The following PCDH15 variants were observed in gnomAD, a reference collection of about 807,000 sequenced individuals.
PCDH15 encodes the protein protocadherin related 15.
In PCDH15, 129 loss-of-function variants were observed where a neutral mutation model predicts 178.5. That is an observed-to-expected ratio of 0.72 (90% CI 0.63 to 0.84). The LOEUF (loss-of-function observed/expected upper bound fraction) is 0.84. Ranked by LOEUF, PCDH15 falls within the 40% of genes least tolerant of loss-of-function variation. PCDH15 has a pLI of 0.00. For missense variants in PCDH15, 2,230 were observed against 2,099.9 expected (o/e 1.06, Z -1.21); for synonymous variants, 800 against 732.0 (o/e 1.09, Z -1.50).
chr10:54,692,116 G>A (rs2095132718), intron 1 of PCDH15, among the ~76,000 whole-genome samples: 1 of 152,010 alleles, frequency 6.6e-6, no homozygotes, highest in Admixed American at 6.6e-5. Context: ...TTGAAGGCAT[G>A]GCTTGTAGTG....
intron 1 of PCDH15, among the ~76,000 whole-genome samples, chr10:54,758,162 T>A (rs1011927499): frequency 2.6e-5 from 4 of 152,226 alleles, no homozygotes; most frequent in African/African-American, 7.2e-5. Context: ...GTTCCTCAAA[T>A]TAAAATGTTT....
In PCDH15 at chr10:54,366,627, AC is replaced by A. The variant is rs560331614; in HGVS notation, c.474+2492del. 3.9e-5 allele frequency among the ~76,000 whole-genome samples: 6 copies of A among 152,166 alleles called. No homozygotes were observed. The South Asian group carries it at 1.2e-3, about 32-fold the overall frequency. ...TCATTGGACTAAACTAAGTACTAGTACTATGGAAGAACTATTCAAATGAAAA... is the reference window on the plus strand; with the variant it reads ...TCATTGGACTAAACTAAGTACTAGTATATGGAAGAACTATTCAAATGAAAA... On this transcript the variant is annotated intron_variant, in intron 5 of 37. Coordinates refer to ENST00000644397, the MANE Select transcript of PCDH15 (RefSeq NM_001384140.1).
At chr10:54,749,763 C>T (rs1945954754) in intron 1 of PCDH15, among the ~76,000 whole-genome samples, 1 of 152,016 alleles carries the variant, frequency 6.6e-6, no homozygotes, top group South Asian at 2.1e-4. Flanking sequence ...TATGTGGTAG[C>T]AGAGTTTGAA....
intron 2 of PCDH15, among the ~76,000 whole-genome samples, chr10:55,356,170 G>T (rs1156721254): frequency 6.6e-6 from 1 of 151,376 alleles, no homozygotes; most frequent in East Asian, 1.9e-4. Flanking sequence ...CCCTTTTTTT[G>T]TTAATTTCTC....
chr10:54,735,872 G>T (rs1462988260), intron 1 of PCDH15, among the ~76,000 whole-genome samples: 7 of 111,134 alleles, frequency 6.3e-5, no homozygotes, highest in Non-Finnish European at 9.1e-5. Context: ...GTTGTGGGGT[G>T]GGGGGAGGGG....
At chr10:55,407,468 T>C (rs893849170) in intron 2 of PCDH15, among the ~76,000 whole-genome samples, 7 of 152,286 alleles carry the variant, frequency 4.6e-5, no homozygotes, top group Admixed American at 6.5e-5. Flanking sequence ...AAGATGAGAA[T>C]TGCTTGAAAA....
At chr10:54,592,559 A>G (rs1028709149) in intron 2 of PCDH15, among the ~76,000 whole-genome samples, 3 of 152,204 alleles carry the variant, frequency 2.0e-5, no homozygotes, top group African/African-American at 7.2e-5. Context: ...CATGCTGTAC[A>G]ATAGGTATAT....
chr10:55,608,537 A>C (rs141200077), intron 2 of PCDH15, among the ~76,000 whole-genome samples: 211 of 151,938 alleles, frequency 1.4e-3, no homozygotes, highest in African/African-American at 4.8e-3. Flanking sequence ...CAAGCTATAG[A>C]TATCCATAAG....
intron 23 of PCDH15, among the ~76,000 whole-genome samples, chr10:53,951,122 T>C (rs2086991185): frequency 6.6e-6 from 1 of 152,178 alleles, no homozygotes; most frequent in Non-Finnish European, 1.5e-5. Flanking sequence ...AGAAAAGAAT[T>C]TTTATGAATA....
At chr10:53,959,175 G>C (rs955184210) in intron 23 of PCDH15, among the ~76,000 whole-genome samples, 2 of 144,440 alleles carry the variant, frequency 1.4e-5, no homozygotes, top group African/African-American at 5.4e-5. Context: ...TGTATATATA[G>C]TGTGTATATA....
At chr10:54,353,390 C>T (rs1229750505) in intron 5 of PCDH15, among the ~76,000 whole-genome samples, 1 of 152,032 alleles carries the variant, frequency 6.6e-6, no homozygotes, top group Non-Finnish European at 1.5e-5. Flanking sequence ...TATGAAGGTA[C>T]AATTTATATT....
chr10:54,273,032 G>A (rs2058137664), intron 8 of PCDH15, among the ~76,000 whole-genome samples: 1 of 152,110 alleles, frequency 6.6e-6, no homozygotes, highest in Non-Finnish European at 1.5e-5. Flanking sequence ...TTTTAAATAA[G>A]TGAATTTAGC....
chr10:54,849,196 A>T (rs1490105900), intron 3 of PCDH15, among the ~76,000 whole-genome samples: 6 of 152,128 alleles, frequency 3.9e-5, no homozygotes, highest in African/African-American at 1.4e-4. Flanking sequence ...TTCAATGAAA[A>T]AAAAACTACG....
intron 3 of PCDH15, among the ~76,000 whole-genome samples, chr10:54,385,205 A>G (rs1949770479): frequency 6.6e-6 from 1 of 152,124 alleles, no homozygotes; most frequent in Non-Finnish European, 1.5e-5. Context: ...TAGTACCTCT[A>G]GGAGAATTCT....
intron 1 of PCDH15, among the ~76,000 whole-genome samples, chr10:54,703,339 T>C (rs1382258728): frequency 6.6e-6 from 1 of 151,874 alleles, no homozygotes; most frequent in East Asian, 1.9e-4. Flanking sequence ...TGCCCACTCC[T>C]ACCATTCCTA....
chr10:54,970,251 C>T (rs1443687947), intron 2 of PCDH15, among the ~76,000 whole-genome samples: 1 of 152,020 alleles, frequency 6.6e-6, no homozygotes. Flanking sequence ...TATAAATTAC[C>T]CTGGATTCTG....
intron 2 of PCDH15, among the ~76,000 whole-genome samples, chr10:55,392,932 G>A (rs1837831463): frequency 6.6e-6 from 1 of 151,458 alleles, no homozygotes; most frequent in Admixed American, 6.6e-5. Flanking sequence ...TCTTATTTTT[G>A]AGAAATCCAT....
intron 2 of PCDH15, among the ~76,000 whole-genome samples, chr10:54,916,784 G>T (rs73264070): frequency 1.3e-5 from 2 of 151,982 alleles, no homozygotes; most frequent in Non-Finnish European, 2.9e-5. Flanking sequence ...ATTAAAATTG[G>T]TAATATTTGA....
chr10:53,839,945 G>A (rs1267475052), intron 29 of PCDH15, among the ~76,000 whole-genome samples: 1 of 152,188 alleles, frequency 6.6e-6, no homozygotes, highest in Non-Finnish European at 1.5e-5. Context: ...TTCTTAAAAT[G>A]CAAGCATATG....
Sources: gnomAD v4.1 joint callset for allele counts (sites outside exome capture counted in the v4.1 genomes callset) on GRCh38, gnomAD v4.1.1 for gene constraint, MANE v1.5 for transcripts, NCBI Gene and HGNC (gene_info 2026-07-23, HGNC 2026-07-21) for gene names.